The following PPP3CA variants were observed in gnomAD, a reference collection of about 807,000 sequenced individuals.
PPP3CA encodes protein phosphatase 3 catalytic subunit alpha, also known as CAM-PRP catalytic subunit.
In PPP3CA, 14 loss-of-function variants were observed where a neutral mutation model predicts 66.5. The ratio of observed to expected loss-of-function variants is 0.21; its 90% CI spans 0.14 to 0.33. PPP3CA has a LOEUF of 0.33. PPP3CA is among the 10% of genes least tolerant of loss of function. The pLI is 1.00. For synonymous variants in PPP3CA, 232 were observed against 226.2 expected, an observed-to-expected ratio of 1.03 and a Z score of -0.23; for missense variants, 317 against 639.5, an observed-to-expected ratio of 0.50 and a Z score of 5.44.
At chr4:101,221,738 T>C (rs528781012) in intron 1 of PPP3CA, among the ~76,000 whole-genome samples, 11 of 151,756 alleles carry the variant, frequency 7.2e-5, no homozygotes, top group East Asian at 5.8e-4. Flanking sequence ...TGACTGCATA[T>C]ATATAATCAT....
intron 2 of PPP3CA, among the ~76,000 whole-genome samples, chr4:101,153,009 A>G (rs539443335): frequency 1.3e-5 from 2 of 152,340 alleles, no homozygotes; most frequent in Non-Finnish European, 1.5e-5. Context: ...AACAAATTCC[A>G]TTAAATGTTA....
chr4:101,287,986 T>G (rs889965428), intron 1 of PPP3CA, among the ~76,000 whole-genome samples: 1 of 152,084 alleles, frequency 6.6e-6, no homozygotes, highest in African/African-American at 2.4e-5. Context: ...GTCAGACAGG[T>G]TGAGGAGACA....
chr4:101,074,238 T>A (rs565070714), intron 8 of PPP3CA, among the ~76,000 whole-genome samples: 1 of 152,272 alleles, frequency 6.6e-6, no homozygotes, highest in African/African-American at 2.4e-5. Context: ...GAAACAGATA[T>A]GCTACTTGGA....
intron 1 of PPP3CA, among the ~76,000 whole-genome samples, chr4:101,232,682 T>G (rs1017908449): frequency 6.2e-5 from 5 of 80,528 alleles, no homozygotes; most frequent in Admixed American, 2.0e-4. Context: ...ACAGATCAGC[T>G]TTGTAGAAAA....
chr4:101,085,756 A>C (rs1729637315), intron 6 of PPP3CA, among the ~76,000 whole-genome samples: 1 of 152,132 alleles, frequency 6.6e-6, no homozygotes, highest in Non-Finnish European at 1.5e-5. Flanking sequence ...GAGAAACAGA[A>C]ACTCTGTTCC....
chr4:101,024,481 T>TA lies in PPP3CA; in HGVS notation c.*1383dup, dbSNP rs1330874168. 1 of 152,654 alleles carries TA rather than the reference T, an allele frequency of 6.6e-6. No individual in the cohort carries two copies. The highest frequency in any genetic ancestry group is 1.5e-5 in the Non-Finnish European group (1 of 68,036). The allele number at this position is 152,654 out of a possible 1,614,324, so 9.5% of individuals were successfully genotyped here. On this transcript the variant is annotated 3_prime_UTR_variant, in exon 14 of 14. Coordinates refer to ENST00000394854, the MANE Select transcript of PPP3CA (RefSeq NM_000944.5). ...ATTACTTGGGCACTTATACAATTGTTAAAAAATATGAATGGACTTTTGTTG... is the reference window on the plus strand; with the variant it reads ...ATTACTTGGGCACTTATACAATTGTTAAAAAAATATGAATGGACTTTTGTTG...
At chr4:101,145,132 A>C (rs1722928911) in intron 2 of PPP3CA, among the ~76,000 whole-genome samples, 2 of 152,180 alleles carry the variant, frequency 1.3e-5, no homozygotes, top group South Asian at 4.1e-4. Context: ...ACACTGCTCT[A>C]TATATAATGT....
intron 1 of PPP3CA, among the ~76,000 whole-genome samples, chr4:101,234,843 A>T (rs1726076407): frequency 6.6e-6 from 1 of 151,770 alleles, no homozygotes; most frequent in South Asian, 2.1e-4. Context: ...TTTTTGCCCA[A>T]AAAACATTCT....
At chr4:101,250,065 T>C (rs749874270) in intron 1 of PPP3CA, among the ~76,000 whole-genome samples, 5 of 152,216 alleles carry the variant, frequency 3.3e-5, no homozygotes, top group Non-Finnish European at 5.9e-5. Context: ...TGTTATTTAA[T>C]AAATATTAAA....
chr4:101,321,591 T>C (rs1729042698), intron 1 of PPP3CA, among the ~76,000 whole-genome samples: 1 of 152,178 alleles, frequency 6.6e-6, no homozygotes, highest in Admixed American at 6.5e-5. Flanking sequence ...AAAAGCTATC[T>C]ATAAAAGGAC....
chr4:101,125,990 C>A (rs1722233238), intron 2 of PPP3CA, among the ~76,000 whole-genome samples: 1 of 152,278 alleles, frequency 6.6e-6, no homozygotes, highest in African/African-American at 2.4e-5. Flanking sequence ...AACACTCATA[C>A]TACATGGTAG....
Position 101,124,731 on chromosome 4 carries a change from G to GAA in PPP3CA, c.260-15655_260-15654dup, listed in dbSNP as rs368374016. On this transcript the variant is annotated intron_variant, in intron 2 of 13. Transcript: ENST00000394854. ...AAAGAAAGAAAGAAAGAAAGAGAAAGAAAGAAAGAAAGAAAGAAAGAAAGA... is the reference window on the plus strand; with the variant it reads ...AAAGAAAGAAAGAAAGAAAGAGAAAGAAAAAGAAAGAAAGAAAGAAAGAAAGA... 4.1e-3 allele frequency among the ~76,000 whole-genome samples: 248 copies of GAA among 60,538 alleles called. 4 individuals carry two copies. The highest frequency in any genetic ancestry group is 0.016 in the African/African-American group (233 of 14,368). The allele number at this position is 60,538 out of a possible 152,430, so 39.7% of individuals were successfully genotyped here. A position where few individuals can be genotyped will look rare whatever the true frequency, so the allele number is the denominator to read the frequency against.
chr4:101,227,503 C>T (rs567527344), intron 1 of PPP3CA, among the ~76,000 whole-genome samples: 1 of 151,736 alleles, frequency 6.6e-6, no homozygotes, highest in African/African-American at 2.4e-5. Context: ...GTTTCAATCA[C>T]ACTAGTGGTG....
intron 1 of PPP3CA, among the ~76,000 whole-genome samples, chr4:101,213,029 T>C (rs1028178510): frequency 3.3e-5 from 5 of 152,268 alleles, no homozygotes; most frequent in African/African-American, 1.2e-4. Flanking sequence ...CTGACACATC[T>C]TAAAGTATGT....
chr4:101,212,415 G>A (rs1025903871), intron 1 of PPP3CA, among the ~76,000 whole-genome samples: 4 of 152,112 alleles, frequency 2.6e-5, no homozygotes, highest in African/African-American at 9.7e-5. Context: ...TGAATGATGA[G>A]AACACATGGT....
chr4:101,151,420 C>T (rs1201087489), intron 2 of PPP3CA, among the ~76,000 whole-genome samples: 4 of 151,470 alleles, frequency 2.6e-5, no homozygotes, highest in African/African-American at 4.8e-5. Context: ...ATTAGCTGAG[C>T]GTGGTGGCGG....
intron 2 of PPP3CA, among the ~76,000 whole-genome samples, chr4:101,188,868 C>T (rs891764718): frequency 6.6e-6 from 1 of 152,040 alleles, no homozygotes; most frequent in East Asian, 1.9e-4. Context: ...AATATATTTT[C>T]CATTAGCAAG....
chr4:101,210,567 C>G (rs924803515), intron 1 of PPP3CA, among the ~76,000 whole-genome samples: 2 of 152,100 alleles, frequency 1.3e-5, no homozygotes, highest in Admixed American at 1.3e-4. Context: ...TGATTAACAA[C>G]TACCTTGTTT....
Position 101,262,374 on chromosome 4 carries a change from T to C in PPP3CA, c.59-66258A>G, listed in dbSNP as rs372041031. 1.2e-4 allele frequency among the ~76,000 whole-genome samples: 18 copies of C among 152,232 alleles called. No individual in the cohort carries two copies. In the South Asian group the frequency reaches 3.7e-3, roughly 32 times the overall value. On this transcript the variant is annotated intron_variant, in intron 1 of 13. Transcript: ENST00000394854. Reference sequence around the variant, plus strand: ...CACATTCCAATTAAAACAACCCAAATATAAGTATATATAATTATTTACATT... The same window carrying C: ...CACATTCCAATTAAAACAACCCAAACATAAGTATATATAATTATTTACATT...
Sources: allele counts gnomAD v4.1 joint callset (sites outside exome capture counted in the v4.1 genomes callset), GRCh38; gene constraint gnomAD v4.1.1; transcripts MANE v1.5; gene names NCBI Gene and HGNC (gene_info 2026-07-23, HGNC 2026-07-21).